PRH1: variants seen among roughly 807,000 people sequenced by gnomAD.
PRH1 encodes the protein salivary acidic proline-rich phosphoprotein 1/2.
PRH1 carries 7 observed loss-of-function variants against 7.9 expected under a neutral mutation model. The observed-to-expected ratio is 0.89, with a 90% CI of 0.50 to 1.67. The LOEUF is 1.67. Among genes scored for constraint, PRH1 ranks in the 40% most tolerant of loss-of-function variants. The probability of loss-of-function intolerance (pLI) is 0.00; values close to 1 mark genes in which losing one functional copy is unlikely to be tolerated. For synonymous variants in PRH1, 45 were observed against 80.8 expected, an observed-to-expected ratio of 0.56 and a Z score of 2.38; for missense variants, 109 against 223.6, an observed-to-expected ratio of 0.49 and a Z score of 3.27.
intron 2 of PRH1, among the ~76,000 whole-genome samples, chr12:10,927,577 G>A (rs1591686556): frequency 6.6e-6 from 1 of 152,290 alleles, no homozygotes; most frequent in Non-Finnish European, 1.5e-5. Flanking sequence ...GGTCCCTTAT[G>A]AGAACATTGT....
At chr12:10,967,147 C>A (rs529030347) in intron 2 of PRH1, among the ~76,000 whole-genome samples, 9 of 149,264 alleles carry the variant, frequency 6.0e-5, no homozygotes, top group Non-Finnish European at 8.9e-5. Flanking sequence ...TAGAAAAAAA[C>A]CTTTGGAAAG....
chr12:11,147,106 T>A (rs1007788157), intron 1 of PRH1, among the ~76,000 whole-genome samples: 2 of 152,144 alleles, frequency 1.3e-5, no homozygotes, highest in African/African-American at 4.8e-5. Context: ...TTAATAAGAC[T>A]TTGCCACAAC....
intron 1 of PRH1, among the ~76,000 whole-genome samples, chr12:11,096,927 A>G (rs1945084179): frequency 8.9e-6 from 1 of 112,890 alleles, no homozygotes; most frequent in South Asian, 2.4e-4. Context: ...CCTCCCAAGT[A>G]GCTGGGACTA....
chr12:11,049,274 G>T (rs1328591880), upstream of PRH1: 19 of 192,878 alleles, frequency 9.9e-5, no homozygotes, highest in Non-Finnish European at 1.2e-4. Context: ...CAAATGAAAA[G>T]AAAGAAAAAA....
chr12:11,066,262 A>G (rs1367703297), intron 1 of PRH1, among the ~76,000 whole-genome samples: 1 of 152,194 alleles, frequency 6.6e-6, no homozygotes, highest in Non-Finnish European at 1.5e-5. Context: ...AGTGTGACAG[A>G]AGATCTGAGG....
chr12:11,102,577 A>G (rs1945287842), intron 1 of PRH1, among the ~76,000 whole-genome samples: 3 of 152,162 alleles, frequency 2.0e-5, no homozygotes, highest in African/African-American at 7.2e-5. Context: ...TGGACCTAAA[A>G]CCATAAAAAC....
intron 1 of PRH1, chr12:11,133,353 T>C: frequency 6.2e-7 from 1 of 1,613,866 alleles, no homozygotes; most frequent in South Asian, 1.1e-5. Context: ...ACCCAGTACC[T>C]CACATGCCGC....
intron 1 of PRH1, among the ~76,000 whole-genome samples, chr12:11,068,028 CTT>C (rs34664451): frequency 6.7e-6 from 1 of 149,562 alleles, no homozygotes; most frequent in East Asian, 1.9e-4. Flanking sequence ...GCTTTTTTAA[CTT>C]TTTTTTTTTA....
chr12:10,956,358 A>G (rs1350234314), intron 2 of PRH1, among the ~76,000 whole-genome samples: 5 of 152,240 alleles, frequency 3.3e-5, no homozygotes, highest in Non-Finnish European at 7.3e-5. Flanking sequence ...AAGGCTTTCA[A>G]TAAAATTCAA....
intron 1 of PRH1, chr12:11,171,072 G>A: frequency 2.8e-6 from 1 of 362,876 alleles, no homozygotes; most frequent in East Asian, 4.0e-5. Flanking sequence ...TATCTGCATG[G>A]ATGTTCGTAC....
At chr12:10,897,834 C>G (rs1350557286) in intron 2 of PRH1, among the ~76,000 whole-genome samples, 1 of 152,164 alleles carries the variant, frequency 6.6e-6, no homozygotes, top group Non-Finnish European at 1.5e-5. Flanking sequence ...CACCAGGCCC[C>G]ACCTCCAACA....
At chr12:10,964,575 G>A (rs188137890) in intron 2 of PRH1, 252 of 360,438 alleles carry the variant, frequency 7.0e-4, no homozygotes, top group African/African-American at 4.6e-3. Flanking sequence ...ATGAGGACAG[G>A]TTCGTTCTAC....
intron 1 of PRH1, among the ~76,000 whole-genome samples, chr12:11,085,784 A>T (rs76032003): frequency 1.9e-5 from 1 of 51,372 alleles, no homozygotes; most frequent in African/African-American, 4.7e-5. Context: ...CATCATTTTG[A>T]AATTTTTTCC....
At chr12:10,936,792 C>A (rs1950295864) in intron 2 of PRH1, among the ~76,000 whole-genome samples, 1 of 152,160 alleles carries the variant, frequency 6.6e-6, no homozygotes, top group Non-Finnish European at 1.5e-5. Flanking sequence ...ACCTTAACTA[C>A]CTACTTAAAA....
At chr12:10,889,574 T>A (rs957489503) in intron 2 of PRH1, among the ~76,000 whole-genome samples, 2 of 152,218 alleles carry the variant, frequency 1.3e-5, no homozygotes, top group African/African-American at 4.8e-5. Flanking sequence ...TGGAAAATTT[T>A]TGATCATTAT....
intron 1 of PRH1, among the ~76,000 whole-genome samples, chr12:11,159,966 A>G (rs778599243): frequency 2.6e-5 from 4 of 152,238 alleles, no homozygotes; most frequent in African/African-American, 9.6e-5. Flanking sequence ...TATAATTTCT[A>G]GAACAAACAC....
chr12:11,040,915 G>A (rs1397828668), intron 1 of PRH1, among the ~76,000 whole-genome samples: 1 of 152,024 alleles, frequency 6.6e-6, no homozygotes, highest in African/African-American at 2.4e-5. Flanking sequence ...GCATTTGCAA[G>A]CCTCATGGTA....
At chr12:11,099,508 C>A (rs1833057127) in intron 1 of PRH1, among the ~76,000 whole-genome samples, 1 of 152,076 alleles carries the variant, frequency 6.6e-6, no homozygotes, top group Non-Finnish European at 1.5e-5. Flanking sequence ...ACCATCCTGG[C>A]CAACATGGTG....
chr12:10,992,047 A>C (rs1039751485), intron 1 of PRH1, among the ~76,000 whole-genome samples: 3 of 152,128 alleles, frequency 2.0e-5, no homozygotes, highest in Non-Finnish European at 4.4e-5. Flanking sequence ...CAAGAGTTGC[A>C]AAAGCTGACT....
Sources: gnomAD v4.1 joint callset for allele counts (sites outside exome capture counted in the v4.1 genomes callset) on GRCh38, gnomAD v4.1.1 for gene constraint, MANE v1.5 for transcripts, NCBI Gene and HGNC (gene_info 2026-07-23, HGNC 2026-07-21) for gene names.